PALS1: variants seen among roughly 807,000 people sequenced by gnomAD.
PALS1 encodes the protein protein PALS1.
A neutral mutation model predicts 78.9 loss-of-function variants in PALS1; 31 were observed. The ratio of observed to expected loss-of-function variants is 0.39; its 90% CI spans 0.30 to 0.53. PALS1 has a LOEUF of 0.53. PALS1 is among the 20% of genes least tolerant of loss of function. PALS1 has a pLI of 0.67. For missense variants in PALS1, 704 were observed against 826.5 expected, an observed-to-expected ratio of 0.85 and a Z score of 1.82; for synonymous variants, 276 against 270.9, an observed-to-expected ratio of 1.02 and a Z score of -0.18.
chr14:67,285,894 T>C (rs541184797), intron 3 of PALS1, among the ~76,000 whole-genome samples: 310 of 152,336 alleles, frequency 2.0e-3, no homozygotes, highest in African/African-American at 7.0e-3. Context: ...TGTATGTTTG[T>C]ATTCATCTGA....
At chr14:67,323,160 G>C (rs2085287223) in intron 13 of PALS1, among the ~76,000 whole-genome samples, 1 of 151,390 alleles carries the variant, frequency 6.6e-6, no homozygotes, top group African/African-American at 2.4e-5. Context: ...TTACATAAAA[G>C]AGCAAGCTAA....
At position 67,244,772 on chromosome 14, in the gene PALS1, G is replaced by T. The variant is rs1380142194; in HGVS notation, c.-237+3239G>T. On this transcript the variant is annotated intron_variant, in intron 1 of 14. Coordinates refer to ENST00000261681, the MANE Select transcript of PALS1 (RefSeq NM_022474.4). ...TAAAATTAAAAAAAGACCTATCTGT[G>T]GTAGACAGAATAAAGGTCTTCAAAG... Among the ~76,000 whole-genome samples, 3 of 152,230 alleles carry T rather than the reference G, an allele frequency of 2.0e-5. No homozygotes were observed. In the South Asian group the frequency reaches 6.2e-4, roughly 32 times the overall value.
At chr14:67,251,278 A>G (rs1229923361) in intron 1 of PALS1, among the ~76,000 whole-genome samples, 1 of 152,198 alleles carries the variant, frequency 6.6e-6, no homozygotes, top group African/African-American at 2.4e-5. Context: ...TCATGCCTGA[A>G]ATCCCAGTAT....
chr14:67,329,117 A>G (rs988621578), intron 14 of PALS1, among the ~76,000 whole-genome samples: 4 of 152,180 alleles, frequency 2.6e-5, no homozygotes, highest in Non-Finnish European at 4.4e-5. Context: ...TGAGCATGGA[A>G]TGTTCTTCCA....
At chr14:67,268,235 T>A (rs980876733) in intron 1 of PALS1, among the ~76,000 whole-genome samples, 1 of 152,234 alleles carries the variant, frequency 6.6e-6, no homozygotes, top group Non-Finnish European at 1.5e-5. Flanking sequence ...ATTGTCACTT[T>A]TTAATTTTAG....
chr14:67,304,075 C>T (rs928342413), intron 8 of PALS1: 24 of 153,294 alleles, frequency 1.6e-4, no homozygotes, highest in African/African-American at 2.7e-4. Context: ...GCCAACTCTG[C>T]ACCTTTTTAA....
At chr14:67,274,071 T>C (rs1213644425) in intron 2 of PALS1, among the ~76,000 whole-genome samples, 1 of 152,200 alleles carries the variant, frequency 6.6e-6, no homozygotes, top group Non-Finnish European at 1.5e-5. Flanking sequence ...ATTCTGTAGG[T>C]TGCCTGTTCA....
chr14:67,312,961 C>G (rs912404510), intron 9 of PALS1, among the ~76,000 whole-genome samples: 1 of 152,022 alleles, frequency 6.6e-6, no homozygotes, highest in Non-Finnish European at 1.5e-5. Flanking sequence ...TTCCTGTATA[C>G]ATATTAAGAT....
At position 67,323,746 on chromosome 14, in the gene PALS1, C is replaced by T; in HGVS notation, c.1785C>T (p.Ile595=). ...LRNSDLKPYI[I]FIAPPSQERL... is the part of the protein sequence containing the mutation. ...ATTCAGATTTGAAACCATATATTAT[C>T]TTCATTGCACCCCCTTCACAAGAAA... Residue 595 remains isoleucine, a synonymous_variant, in exon 14 of 15, where the codon ATC becomes ATT. Transcript: ENST00000261681. 2 of 1,603,580 alleles carry T rather than the reference C, an allele frequency of 1.2e-6. No individual in the cohort carries two copies. The highest frequency in any genetic ancestry group is 8.5e-7 in the Non-Finnish European group (1 of 1,176,002).
At chr14:67,287,227 A>T (rs1285365934) in intron 3 of PALS1, among the ~76,000 whole-genome samples, 2 of 152,154 alleles carry the variant, frequency 1.3e-5, no homozygotes, top group Non-Finnish European at 2.9e-5. Flanking sequence ...TCAAAAACAA[A>T]AACAAAAAAA....
Position 67,308,356 on chromosome 14 carries a change from G to A in PALS1, c.1042-4171G>A, listed in dbSNP as rs537811625. Among the ~76,000 whole-genome samples the A allele has an allele frequency of 6.8e-5, 10 of 146,386 alleles. No homozygotes were observed. The South Asian group carries it at 1.7e-3, about 25-fold the overall frequency. ...TTTTTTTCTCTTTGATTTTGAGGGCGTCACCAATGTGATAGCCTTACCTTC... is the reference window on the plus strand; with the variant it reads ...TTTTTTTCTCTTTGATTTTGAGGGCATCACCAATGTGATAGCCTTACCTTC... On this transcript the variant is annotated intron_variant, in intron 8 of 14. Coordinates refer to ENST00000261681, the MANE Select transcript of PALS1 (RefSeq NM_022474.4).
intron 8 of PALS1, among the ~76,000 whole-genome samples, chr14:67,307,337 C>T (rs917781167): frequency 1.3e-5 from 2 of 152,126 alleles, no homozygotes; most frequent in African/African-American, 4.8e-5. Context: ...GCATAATAGA[C>T]TTTTATCTGA....
At position 67,333,899 on chromosome 14, in the gene PALS1, A is replaced by C. The variant is rs777225336; in HGVS notation, c.*943A>C. 1 of 152,610 alleles carries C rather than the reference A, an allele frequency of 6.6e-6. No individual in the cohort carries two copies. Among genetic ancestry groups the C allele is most frequent in the Admixed American group, 6.5e-5 (1 of 15,278 alleles). The allele number at this position is 152,610 out of a possible 1,614,324, so 9.5% of individuals were successfully genotyped here. The stretch of plus-strand genomic sequence containing the variant: ...TTTGACAGTTTTTGCATTTTTATGT[A>C]TGAGCACAGTATCCTATGACTGTGC... On this transcript the variant is annotated 3_prime_UTR_variant, in exon 15 of 15. Coordinates refer to ENST00000261681, the MANE Select transcript of PALS1 (RefSeq NM_022474.4).
chr14:67,320,942 G>C, intron 12 of PALS1, 115 bp from the exon 13 acceptor site: 1 of 844,282 alleles, frequency 1.2e-6, no homozygotes, highest in Non-Finnish European at 1.9e-6. Context: ...CATTTTCTCA[G>C]TTTATTATTT....
At chr14:67,263,239 TTGA>T (rs1382112662) in intron 1 of PALS1, among the ~76,000 whole-genome samples, 1 of 152,192 alleles carries the variant, frequency 6.6e-6, no homozygotes, top group Non-Finnish European at 1.5e-5. Flanking sequence ...ATTTGTCTAA[TTGA>T]AAAGAATCAT....
intron 1 of PALS1, among the ~76,000 whole-genome samples, chr14:67,245,266 C>T (rs566427013): frequency 1.3e-5 from 2 of 152,278 alleles, no homozygotes; most frequent in South Asian, 4.1e-4. Context: ...TTTGCATTTC[C>T]ACCAGCAATA....
At chr14:67,293,387 G>T (rs544971697) in intron 4 of PALS1, among the ~76,000 whole-genome samples, 1 of 152,202 alleles carries the variant, frequency 6.6e-6, no homozygotes, top group South Asian at 2.1e-4. Flanking sequence ...TTATTAAAAT[G>T]AATAATTCTG....
intron 11 of PALS1, among the ~76,000 whole-genome samples, chr14:67,319,045 G>GA (rs1566576718): frequency 6.7e-6 from 1 of 148,972 alleles, no homozygotes; most frequent in Non-Finnish European, 1.5e-5. Context: ...GCGACAGAGC[G>GA]AGACTCCGTC....
chr14:67,276,151 A>T (rs1202200244), intron 2 of PALS1, among the ~76,000 whole-genome samples: 3 of 152,034 alleles, frequency 2.0e-5, no homozygotes, highest in African/African-American at 7.2e-5. Flanking sequence ...GAATGTGATC[A>T]TGTCATCCTC....
Sources: allele counts gnomAD v4.1 joint callset (sites outside exome capture counted in the v4.1 genomes callset), GRCh38; gene constraint gnomAD v4.1.1; transcripts MANE v1.5; gene names NCBI Gene and HGNC (gene_info 2026-07-23, HGNC 2026-07-21).